The following PCNT variants were observed in gnomAD, a reference collection of about 807,000 sequenced individuals.
The protein encoded by PCNT is pericentrin, also known as kendrin.
A neutral mutation model predicts 380.4 loss-of-function variants in PCNT; 319 were observed. The observed-to-expected ratio is 0.84, with a 90% CI of 0.77 to 0.92. The LOEUF (loss-of-function observed/expected upper bound fraction) is 0.92, where lower values mean the gene tolerates loss of function less well. PCNT is among the 40% of genes least tolerant of loss of function. PCNT has a pLI of 0.00. For synonymous variants in PCNT, 1,845 were observed against 1,735.2 expected (o/e 1.06, Z -1.57); for missense variants, 4,400 against 4,255.3 (o/e 1.03, Z -0.95).
At chr21:46,427,837 G>A in intron 34 of PCNT, 42 bp downstream of exon 34, 2 of 1,605,166 alleles carry the variant, frequency 1.2e-6, no homozygotes, top group Non-Finnish European at 1.7e-6. Flanking sequence ...TTGCCCCAGG[G>A]GTCCAGCCCT....
In PCNT at chr21:46,367,139, G is replaced by T. The variant is rs1222946337; in HGVS notation, c.3165G>T (p.Gln1055His). The change falls in exon 15 of 47, where the codon CAG becomes CAT. Residue 1055 changes from glutamine (Q) to histidine (H), a missense_variant and splice_region_variant. Transcript: ENST00000359568. ...CTCACGAGCTGCAGGGAGTGCACCA[G>T]GTAAGGCGCCAGGGCCCTGCCCCAG... ...TVAHELQGVHQGEFGSEKKTA... is the reference protein window; with the variant it reads ...TVAHELQGVHHGEFGSEKKTA... The T allele has an allele frequency of 6.2e-7, 1 of 1,611,562 alleles. No individual in the cohort carries two copies. Among genetic ancestry groups the T allele is most frequent in the Admixed American group, 1.7e-5 (1 of 60,004 alleles).
At position 46,411,902 on chromosome 21, in the gene PCNT, C is replaced by T. The variant is rs868323404; in HGVS notation, c.5829C>T (p.Cys1943=). The T allele has an allele frequency of 1.9e-6, 3 of 1,582,722 alleles. 1 individual carries two copies. Among genetic ancestry groups the T allele is most frequent in the Middle Eastern group, 4.0e-4 (2 of 5,000 alleles). The stretch of plus-strand genomic sequence containing the variant: ...TGCTGCACCAGCGGTTCCTGAGGTG[C>T]CAGGTGGAGCTGGACAGGCGGCAGG... ...LQVLHQRFLR[C]QVELDRRQAR... Residue 1943 remains cysteine (C), a synonymous_variant, in exon 28 of 47, where the codon TGC becomes TGT. Transcript: ENST00000359568.
At position 46,411,193 on chromosome 21, in the gene PCNT, T is replaced by C. The variant is rs2086772647; in HGVS notation, c.5120T>C (p.Ile1707Thr). The change falls in exon 28 of 47, where the codon ATA becomes ACA. Residue 1707 changes from isoleucine (I) to threonine (T), a missense_variant. Coordinates refer to ENST00000359568, the MANE Select transcript of PCNT (RefSeq NM_006031.6). ...TGAAATGTCCTCTCTCTTCAGGTCA[T>C]ATATACCAGAAGTTCTGAGATTGAA... is the stretch of plus-strand genomic sequence containing the variant. ...LEEENTSLKV[I>T]YTRSSEIEEL... 1.2e-6 allele frequency: 2 copies of C among 1,613,428 alleles called. No individual in the cohort carries two copies. The highest frequency in any genetic ancestry group is 1.3e-5 in the African/African-American group (1 of 74,940).
chr21:46,400,231 C>T (rs1002467483), intron 25 of PCNT, among the ~76,000 whole-genome samples: 2 of 152,024 alleles, frequency 1.3e-5, no homozygotes, highest in East Asian at 1.9e-4. Flanking sequence ...TGGTGTTTGC[C>T]GTGTTGTGTG....
At chr21:46,403,272 T>G (rs2086493650) in intron 27 of PCNT, among the ~76,000 whole-genome samples, 1 of 141,238 alleles carries the variant, frequency 7.1e-6, no homozygotes. Flanking sequence ...GAGAATTGTG[T>G]GTGTGGTGCC....
In PCNT at chr21:46,346,947, C is replaced by G; in HGVS notation, c.925C>G (p.Gln309Glu). 4.4e-6 allele frequency: 7 copies of G among 1,597,740 alleles called. No individual in the cohort carries two copies. The highest frequency in any genetic ancestry group is 6.0e-6 in the Non-Finnish European group (7 of 1,174,072). ...QQHELELLRE[Q>E]HAREKEEVVL... ...GCACGAGCTGGAGCTCCTCAGGGAG[C>G]AGCACGCACGGGAGAAGGAGGAGGT... The change falls in exon 5 of 47, where the codon CAG (glutamine) becomes GAG (glutamate). Residue 309 changes from glutamine to glutamate, a missense_variant. Transcript: ENST00000359568.
chr21:46,442,302 C>A (rs1467048557), intron 43 of PCNT, among the ~76,000 whole-genome samples, 195 bp from the exon 44 acceptor site: 1 of 152,070 alleles, frequency 6.6e-6, no homozygotes, highest in Non-Finnish European at 1.5e-5. Flanking sequence ...CCGCCGCCGG[C>A]AGCCCTGCGA....
intron 13 of PCNT, 134 bp downstream of exon 13, chr21:46,357,325 C>A: frequency 1.4e-6 from 1 of 732,454 alleles, no homozygotes; most frequent in Non-Finnish European, 2.5e-6. Context: ...TTTGTAAGGG[C>A]GACAGTCCCG....
At chr21:46,427,856 G>C (rs919638503) in intron 34 of PCNT, 61 bp downstream of exon 34, 17 of 1,552,026 alleles carry the variant, frequency 1.1e-5, no homozygotes, top group Non-Finnish European at 1.4e-5. Flanking sequence ...CTGGCAGAGA[G>C]GGTGACACAG....
At chr21:46,397,931 C>A in intron 22 of PCNT, 83 bp from the exon 23 acceptor site, 1 of 993,928 alleles carries the variant, frequency 1.0e-6, no homozygotes, top group Non-Finnish European at 1.5e-6. Context: ...CTTGTACGTG[C>A]AGTGGAAGCC....
chr21:46,355,527 T>G lies in PCNT; in HGVS notation c.1837T>G (p.Cys613Gly). 1 of 1,613,836 alleles carries G rather than the reference T, an allele frequency of 6.2e-7. No homozygotes were observed. The highest frequency in any genetic ancestry group is 8.5e-7 in the Non-Finnish European group (1 of 1,179,770). Residue 613 changes from cysteine (C) to glycine (G), a missense_variant, in exon 12 of 47, where the codon TGC becomes GGC. Physicochemically the swap from Cys to Gly is radical, Grantham distance 159. Transcript: ENST00000359568. ...GCTGGAAGCGCTGGAGTCTCCCCTCTGCATCCAGCACGAGGGGCATGTCTC... is the reference window on the plus strand; with the variant it reads ...GCTGGAAGCGCTGGAGTCTCCCCTCGGCATCCAGCACGAGGGGCATGTCTC... The part of the protein sequence containing the change: ...HQLEALESPL[C>G]IQHEGHVSDR...
At position 46,385,829 on chromosome 21, in the gene PCNT, T is replaced by C; in HGVS notation, c.3313-3T>C. 1.2e-6 allele frequency: 2 copies of C among 1,614,214 alleles called. No individual in the cohort carries two copies. Among genetic ancestry groups the C allele is most frequent in the Non-Finnish European group, 1.7e-6 (2 of 1,180,014 alleles). On this transcript the variant is annotated splice_polypyrimidine_tract_variant and splice_region_variant and intron_variant, in intron 16 of 46. Transcript: ENST00000359568. ...CGAAAGCTTTAACCATTTTTCTCGA[T>C]AGCTGAAAGACCAGGTTTTATCCTT...
At chr21:46,427,877 G>C in intron 34 of PCNT, 82 bp downstream of exon 34, 1 of 1,495,044 alleles carries the variant, frequency 6.7e-7, no homozygotes, top group South Asian at 1.1e-5. Flanking sequence ...ACTGTTTTGT[G>C]TGTGAATTTC....
rs1038931625 is a variant in PCNT at position 46,353,920 on chromosome 21, G to A, written c.1680-67G>A. On this transcript the variant is annotated intron_variant, in intron 10 of 46. Transcript: ENST00000359568. ...TCTGCTGTGAGCAGTCGGTCCTGGG[G>A]AGGGAATGGCGCACACATGGAAAAG... 2.1e-5 allele frequency: 29 copies of A among 1,366,634 alleles called. No individual in the cohort carries two copies. In the Admixed American group the frequency reaches 3.1e-4, roughly 14 times the overall value. 84.7% of individuals were successfully genotyped at this position (1,366,634 alleles called of 1,614,324 possible). A position where few individuals can be genotyped will look rare whatever the true frequency, so the allele number is the denominator to read the frequency against.
Position 46,413,811 on chromosome 21 carries a change from G to C in PCNT, c.6150+819G>C, listed in dbSNP as rs1016210357. On this transcript the variant is annotated intron_variant, in intron 29 of 46. Transcript: ENST00000359568. ...GCACTTCTTTTCCCCGGGGAAGGAG[G>C]TTGCACCTTGACCATCTCAAATTGT... is the stretch of plus-strand genomic sequence containing the variant. 5.3e-5 allele frequency among the ~76,000 whole-genome samples: 8 copies of C among 152,220 alleles called. No individual in the cohort carries two copies. In the South Asian group the frequency reaches 1.7e-3, roughly 32 times the overall value.
At chr21:46,391,765 A>G (rs1157227354) in intron 21 of PCNT, among the ~76,000 whole-genome samples, 1 of 152,262 alleles carries the variant, frequency 6.6e-6, no homozygotes, top group Non-Finnish European at 1.5e-5. Flanking sequence ...ACATAGTGTT[A>G]ACAATATTAG....
At chr21:46,342,990 G>A (rs2083952786) in intron 3 of PCNT, among the ~76,000 whole-genome samples, 1 of 152,144 alleles carries the variant, frequency 6.6e-6, no homozygotes, top group South Asian at 2.1e-4. Context: ...GGGTATAGCA[G>A]TGCTACTGAT....
intron 35 of PCNT, 85 bp from the exon 36 acceptor site, chr21:46,429,925 C>A: frequency 9.3e-7 from 1 of 1,069,876 alleles, no homozygotes. Context: ...ACCTCACGCC[C>A]CCACGAGTCT....
chr21:46,368,421 C>T (rs1230730687), intron 15 of PCNT, among the ~76,000 whole-genome samples: 1 of 151,808 alleles, frequency 6.6e-6, no homozygotes, highest in African/African-American at 2.4e-5. Context: ...GCACTCCAGC[C>T]TGGGAGACAG....
Sources: allele counts gnomAD v4.1 joint callset (sites outside exome capture counted in the v4.1 genomes callset), GRCh38; gene constraint gnomAD v4.1.1; transcripts MANE v1.5; gene names NCBI Gene and HGNC (gene_info 2026-07-23, HGNC 2026-07-21).